The following NSMCE2 variants were observed in gnomAD, a reference collection of about 807,000 sequenced individuals.
NSMCE2 encodes the protein E3 SUMO-protein ligase NSE2.
A neutral mutation model predicts 23.8 loss-of-function variants in NSMCE2; 24 were observed. That is an observed-to-expected ratio of 1.01 (90% CI 0.73 to 1.42). The LOEUF is 1.42. Among genes scored for constraint, NSMCE2 ranks in the 40% most tolerant of loss-of-function variants. The pLI, the probability that NSMCE2 is intolerant of heterozygous loss-of-function variation, is 0.00. For missense variants in NSMCE2, 284 were observed against 296.5 expected, an observed-to-expected ratio of 0.96 and a Z score of 0.31; for synonymous variants, 92 against 94.1, an observed-to-expected ratio of 0.98 and a Z score of 0.13.
intron 5 of NSMCE2, among the ~76,000 whole-genome samples, chr8:125,236,629 C>T (rs928986599): frequency 1.3e-5 from 2 of 152,108 alleles, no homozygotes; most frequent in East Asian, 1.9e-4. Context: ...GGGGAAGGAA[C>T]GAGAAAGGAA....
rs117781948 is a variant in NSMCE2, at chr8:125,338,781, G to A, written c.419-18438G>A. ...GGGTTATAAATGAAATTTATTCTAGGAGTAATAAATATGGTATGCATGATG... is the reference window on the plus strand; with the variant it reads ...GGGTTATAAATGAAATTTATTCTAGAAGTAATAAATATGGTATGCATGATG... On this transcript the variant is annotated intron_variant, in intron 5 of 7. Transcript: ENST00000287437. Among the ~76,000 whole-genome samples, 1,258 of 152,286 alleles carry A rather than the reference G, an allele frequency of 8.3e-3. 4 individuals carry two copies. The highest frequency in any genetic ancestry group is 0.012 in the Non-Finnish European group (824 of 68,024).
At position 125,259,562 on chromosome 8, in the gene NSMCE2, GA is replaced by G. The variant is rs144691028; in HGVS notation, c.418+77309del. 5.2e-3 allele frequency among the ~76,000 whole-genome samples: 791 copies of G among 152,184 alleles called. 9 individuals carry two copies. Among genetic ancestry groups the G allele is most frequent in the African/African-American group, 0.018 (762 of 41,508 alleles). ...CAGTCTGTGACAAATTGTCTTCCAT[GA>G]AACCGGCCCCTGGCACCAAAAGTTG... On this transcript the variant is annotated intron_variant, in intron 5 of 7. Transcript: ENST00000287437.
intron 3 of NSMCE2, among the ~76,000 whole-genome samples, chr8:125,107,851 A>C (rs1291673042): frequency 6.6e-6 from 1 of 152,066 alleles, no homozygotes; most frequent in African/African-American, 2.4e-5. Context: ...CTGCAGCAAC[A>C]TGGCAAACCC....
intron 5 of NSMCE2, among the ~76,000 whole-genome samples, chr8:125,332,595 G>A (rs1051598105): frequency 1.3e-5 from 2 of 152,176 alleles, no homozygotes; most frequent in African/African-American, 4.8e-5. Flanking sequence ...TTCTTTCCTT[G>A]TTAAGATTTT....
At chr8:125,263,028 C>T (rs1009331604) in intron 5 of NSMCE2, among the ~76,000 whole-genome samples, 9 of 152,120 alleles carry the variant, frequency 5.9e-5, no homozygotes, top group African/African-American at 1.7e-4. Flanking sequence ...CCTGTGCAGG[C>T]GACAGGGACC....
intron 3 of NSMCE2, among the ~76,000 whole-genome samples, chr8:125,129,207 TG>T: frequency 6.6e-6 from 1 of 152,182 alleles, no homozygotes; most frequent in South Asian, 2.1e-4. Context: ...CCCGGGCCAG[TG>T]TCCTTAGGGT....
intron 5 of NSMCE2, among the ~76,000 whole-genome samples, chr8:125,299,049 A>G (rs1285204293): frequency 6.6e-6 from 1 of 152,204 alleles, no homozygotes; most frequent in Non-Finnish European, 1.5e-5. Flanking sequence ...GTAAAAAATA[A>G]TGTTCTGTTA....
chr8:125,235,315 A>G (rs1165648772), intron 5 of NSMCE2, among the ~76,000 whole-genome samples: 2 of 150,146 alleles, frequency 1.3e-5, no homozygotes, highest in East Asian at 1.9e-4. Context: ...TTTCTTCTTG[A>G]TTTCCATTAT....
intron 5 of NSMCE2, among the ~76,000 whole-genome samples, chr8:125,272,115 G>A (rs1158250382): frequency 2.0e-5 from 3 of 148,546 alleles, no homozygotes; most frequent in Non-Finnish European, 3.0e-5. Context: ...CCGGGTTCAC[G>A]CCATTCTCCT....
At position 125,361,768 on chromosome 8, in the gene NSMCE2, G is replaced by A. The variant is rs76541842; in HGVS notation, c.626+3950G>A. On this transcript the variant is annotated intron_variant, in intron 7 of 7. Transcript: ENST00000287437. ...GCTGATAGAGTTGTTATCACTCCCC[G>A]TGCTGCTTAGTGACACATTATTTGA... Among the ~76,000 whole-genome samples the A allele has an allele frequency of 7.9e-3, 1,204 of 152,208 alleles. 9 individuals carry two copies. Among genetic ancestry groups the A allele is most frequent in the African/African-American group, 0.027 (1,108 of 41,534 alleles).
At chr8:125,320,299 AGGAAGGAAGGGAAG>A (rs1308960865) in intron 5 of NSMCE2, among the ~76,000 whole-genome samples, 2,335 of 126,730 alleles carry the variant, frequency 0.018, 170 homozygotes, top group Middle Eastern at 0.051. Context: ...GAAGGAAGGA[AGGAAGGAAGGGAAG>A]GGAAGGAAGG....
intron 5 of NSMCE2, among the ~76,000 whole-genome samples, chr8:125,318,345 G>C (rs962294427): frequency 2.0e-5 from 3 of 152,118 alleles, no homozygotes; most frequent in Non-Finnish European, 4.4e-5. Context: ...TGAGTTCTTG[G>C]TAAGCCAAGA....
At chr8:125,223,693 C>T (rs891484075) in intron 5 of NSMCE2, among the ~76,000 whole-genome samples, 4 of 151,872 alleles carry the variant, frequency 2.6e-5, no homozygotes, top group East Asian at 1.9e-4. Context: ...ATTATCTCTT[C>T]GTGATTTTAA....
chr8:125,288,489 T>C (rs1187648177), intron 5 of NSMCE2, among the ~76,000 whole-genome samples: 2 of 152,244 alleles, frequency 1.3e-5, no homozygotes, highest in African/African-American at 4.8e-5. Flanking sequence ...ATTGATTGCC[T>C]ATATCTCCTC....
chr8:125,297,189 A>G (rs1828365367), intron 5 of NSMCE2, among the ~76,000 whole-genome samples: 1 of 152,208 alleles, frequency 6.6e-6, no homozygotes, highest in African/African-American at 2.4e-5. Context: ...GTCAAGGTAA[A>G]TGTCTGAATA....
chr8:125,140,136 G>A (rs965678301), intron 3 of NSMCE2, among the ~76,000 whole-genome samples: 4 of 152,282 alleles, frequency 2.6e-5, no homozygotes, highest in East Asian at 1.9e-4. Flanking sequence ...TTTTTCAACC[G>A]TATGCTTGAT....
chr8:125,159,056 T>G (rs1821465583), intron 4 of NSMCE2, among the ~76,000 whole-genome samples: 1 of 152,208 alleles, frequency 6.6e-6, no homozygotes, highest in African/African-American at 2.4e-5. Context: ...CTGAGTTGTG[T>G]GATGAAACCT....
chr8:125,300,895 C>T (rs1376807837), intron 5 of NSMCE2, among the ~76,000 whole-genome samples: 1 of 152,186 alleles, frequency 6.6e-6, no homozygotes, highest in African/African-American at 2.4e-5. Context: ...GAACATTCCA[C>T]CTGGGCTCTG....
At position 125,366,825 on chromosome 8, in the gene NSMCE2, T is replaced by C; in HGVS notation, c.684T>C (p.Asp228=). 6.2e-7 allele frequency: 1 copy of C among 1,613,896 alleles called. No individual in the cohort carries two copies. The highest frequency in any genetic ancestry group is 8.5e-7 in the Non-Finnish European group (1 of 1,179,774). The change falls in exon 8 of 8, where the codon GAT becomes GAC. Residue 228 remains aspartate, a synonymous_variant. Coordinates refer to ENST00000287437, the MANE Select transcript of NSMCE2 (RefSeq NM_173685.4). ...TDIRKSDLIQ[D]EALRRAIENH... is the part of the protein sequence containing the mutation. Reference sequence around the variant, plus strand: ...TAAGAAAGTCAGATCTTATCCAGGATGAAGCACTTAGAAGGGCAATTGAGA... The same window carrying C: ...TAAGAAAGTCAGATCTTATCCAGGACGAAGCACTTAGAAGGGCAATTGAGA...
Sources: gnomAD v4.1 joint callset for allele counts (sites outside exome capture counted in the v4.1 genomes callset) on GRCh38, gnomAD v4.1.1 for gene constraint, MANE v1.5 for transcripts, NCBI Gene and HGNC (gene_info 2026-07-23, HGNC 2026-07-21) for gene names.